The following MKLN1 variants were observed in gnomAD, a reference collection of about 807,000 sequenced individuals.
MKLN1 encodes muskelin 1, also known as muskelin.
A neutral mutation model predicts 99.0 loss-of-function variants in MKLN1; 18 were observed. The observed-to-expected ratio is 0.18, with a 90% CI of 0.13 to 0.27. The LOEUF is 0.27. MKLN1 is among the 10% of genes least tolerant of loss of function. MKLN1 has a pLI of 1.00. For missense variants in MKLN1, 621 were observed against 875.9 expected (o/e 0.71, Z 3.67); for synonymous variants, 288 against 293.2 (o/e 0.98, Z 0.18).
At chr7:131,403,191 A>C (rs539650172) in intron 6 of MKLN1, among the ~76,000 whole-genome samples, 1 of 152,150 alleles carries the variant, frequency 6.6e-6, no homozygotes, top group Non-Finnish European at 1.5e-5. Flanking sequence ...ATCTTCTATA[A>C]TACATCAACA....
chr7:131,343,916 T>C (rs984750467), intron 1 of MKLN1, among the ~76,000 whole-genome samples: 1 of 152,206 alleles, frequency 6.6e-6, no homozygotes, highest in African/African-American at 2.4e-5. Flanking sequence ...TCTTTTGATA[T>C]ATCCTTGAAT....
chr7:131,200,906 C>T (rs1245447705), intron 2 of MKLN1, among the ~76,000 whole-genome samples: 1 of 152,166 alleles, frequency 6.6e-6, no homozygotes, highest in East Asian at 1.9e-4. Flanking sequence ...AAAGCCAGTG[C>T]CACTGCTACT....
intron 4 of MKLN1, among the ~76,000 whole-genome samples, chr7:131,389,445 C>T (rs1323807737): frequency 6.6e-6 from 1 of 151,600 alleles, no homozygotes. Flanking sequence ...CAGTTGTGTT[C>T]TTTTATTTTA....
chr7:131,278,000 T>C (rs1413822829), intron 3 of MKLN1, among the ~76,000 whole-genome samples: 2 of 152,164 alleles, frequency 1.3e-5, no homozygotes, highest in East Asian at 1.9e-4. Flanking sequence ...CAATTTTCTT[T>C]AGTCTTTCTC....
chr7:131,415,794 G>T (rs1449238409), intron 8 of MKLN1, among the ~76,000 whole-genome samples: 1 of 151,998 alleles, frequency 6.6e-6, no homozygotes, highest in Non-Finnish European at 1.5e-5. Context: ...ATACAAACTG[G>T]TTTTTTATCC....
At chr7:131,214,331 C>T (rs529817984) in intron 3 of MKLN1, among the ~76,000 whole-genome samples, 8 of 151,986 alleles carry the variant, frequency 5.3e-5, no homozygotes, top group Non-Finnish European at 1.0e-4. Context: ...GCAATGAGAC[C>T]TAAGTGGAAT....
In MKLN1 at chr7:131,490,863, T is replaced by C. The variant is rs542556576; in HGVS notation, c.*3135T>C. The stretch of plus-strand genomic sequence containing the variant: ...ATGTAGAGATACATTAACAGAGTTA[T>C]AATAAAACAGTGTTTTAAAATCTAG... On this transcript the variant is annotated 3_prime_UTR_variant, in exon 18 of 18. Coordinates refer to ENST00000352689, the MANE Select transcript of MKLN1 (RefSeq NM_013255.5). 6.5e-6 allele frequency: 1 copy of C among 152,730 alleles called. No individual in the cohort carries two copies. Among genetic ancestry groups the C allele is most frequent in the Admixed American group, 6.5e-5 (1 of 15,288 alleles). The allele number at this position is 152,730 out of a possible 1,614,324, so 9.5% of individuals were successfully genotyped here.
chr7:131,332,265 A>G (rs1049897627), intron 1 of MKLN1, among the ~76,000 whole-genome samples: 4 of 150,658 alleles, frequency 2.7e-5, no homozygotes, highest in African/African-American at 9.7e-5. Flanking sequence ...CCCCATCTCT[A>G]CAAAAGAAAA....
chr7:131,364,798 A>G (rs986888256), intron 1 of MKLN1, among the ~76,000 whole-genome samples: 2 of 152,036 alleles, frequency 1.3e-5, no homozygotes, highest in Non-Finnish European at 2.9e-5. Context: ...CGTTTTTTTT[A>G]TGGTTGCATA....
chr7:131,305,877 T>C (rs1798458171), intron 3 of MKLN1, among the ~76,000 whole-genome samples: 1 of 152,180 alleles, frequency 6.6e-6, no homozygotes, highest in Non-Finnish European at 1.5e-5. Context: ...ATATTTAATA[T>C]GGAGACGCAT....
chr7:131,241,497 A>C (rs1333265224), intron 3 of MKLN1, among the ~76,000 whole-genome samples: 1 of 152,194 alleles, frequency 6.6e-6, no homozygotes, highest in Non-Finnish European at 1.5e-5. Flanking sequence ...ATTTGAGCCC[A>C]GGAATTCAAG....
intron 2 of MKLN1, among the ~76,000 whole-genome samples, chr7:131,180,332 G>A (rs995430562): frequency 2.0e-5 from 3 of 152,152 alleles, no homozygotes; most frequent in Non-Finnish European, 4.4e-5. Context: ...TGGTGCAAAT[G>A]TTACCATTTA....
chr7:131,198,944 T>C (rs1469622982), intron 2 of MKLN1, among the ~76,000 whole-genome samples: 1 of 152,202 alleles, frequency 6.6e-6, no homozygotes, highest in Non-Finnish European at 1.5e-5. Flanking sequence ...ATCGTATTGT[T>C]GATGGCCTAA....
intron 1 of MKLN1, among the ~76,000 whole-genome samples, chr7:131,355,441 A>G (rs565445064): frequency 6.6e-6 from 1 of 151,896 alleles, no homozygotes; most frequent in South Asian, 2.1e-4. Flanking sequence ...AGGTTTACTT[A>G]TACATACATA....
intron 1 of MKLN1, among the ~76,000 whole-genome samples, chr7:131,368,854 ATTATT>A (rs1311095311): frequency 3.3e-5 from 5 of 152,172 alleles, no homozygotes; most frequent in Admixed American, 1.3e-4. Flanking sequence ...ATGCTTATAT[ATTATT>A]TTATGTATGA....
At chr7:131,317,803 T>C (rs542833827) in intron 3 of MKLN1, among the ~76,000 whole-genome samples, 1 of 142,514 alleles carries the variant, frequency 7.0e-6, no homozygotes, top group African/African-American at 2.6e-5. Context: ...GTTGCAATCC[T>C]AGTCTCTGAT....
intron 9 of MKLN1, among the ~76,000 whole-genome samples, chr7:131,433,821 G>T (rs1359272988): frequency 2.0e-5 from 3 of 151,848 alleles, no homozygotes; most frequent in Non-Finnish European, 4.4e-5. Context: ...ATTATGATGG[G>T]AATATGATAA....
intron 6 of MKLN1, among the ~76,000 whole-genome samples, chr7:131,409,036 T>G (rs1794793716): frequency 1.3e-5 from 2 of 152,218 alleles, no homozygotes; most frequent in African/African-American, 4.8e-5. Flanking sequence ...AAAAATAGAC[T>G]TACAGAAATA....
intron 2 of MKLN1, among the ~76,000 whole-genome samples, chr7:131,175,791 T>C (rs563846550): frequency 1.3e-5 from 2 of 152,166 alleles, no homozygotes; most frequent in African/African-American, 4.8e-5. Context: ...TCCCAGCTAC[T>C]TGGGAGGCTG....
Sources: gnomAD v4.1 joint callset for allele counts (sites outside exome capture counted in the v4.1 genomes callset) on GRCh38, gnomAD v4.1.1 for gene constraint, MANE v1.5 for transcripts, NCBI Gene and HGNC (gene_info 2026-07-23, HGNC 2026-07-21) for gene names.